Variants in TMEM108 observed in about 807,000 individuals in gnomAD.
TMEM108 encodes transmembrane protein 108.
Under a neutral mutation model 35.1 loss-of-function variants are expected in TMEM108, and 12 were observed. That is an observed-to-expected ratio of 0.34 (90% CI 0.22 to 0.55). The LOEUF (loss-of-function observed/expected upper bound fraction) is 0.55, where lower values mean the gene tolerates loss of function less well. TMEM108 is among the 20% of genes least tolerant of loss of function. The pLI, the probability that TMEM108 is intolerant of heterozygous loss-of-function variation, is 0.89. For synonymous variants in TMEM108, 287 were observed against 308.6 expected (o/e 0.93, Z 0.73); for missense variants, 680 against 753.3 (o/e 0.90, Z 1.14).
chr3:133,249,923 A>G (rs545379317), intron 3 of TMEM108, among the ~76,000 whole-genome samples: 16 of 152,290 alleles, frequency 1.1e-4, no homozygotes, highest in African/African-American at 3.4e-4. Flanking sequence ...AGGAAATTTC[A>G]GTTTATGAAA....
rs1390305254 is a variant in TMEM108 at position 133,380,531 on chromosome 3, G to A, written c.820G>A (p.Ala274Thr). 1.2e-6 allele frequency: 2 copies of A among 1,613,836 alleles called. No individual in the cohort carries two copies. ...ACCCACCACCACCTCCCTGGGGCCT[G>A]CAAAGGACAAGCCAGGCCTTCGCAG... is the stretch of plus-strand genomic sequence containing the variant. ...WAPTTTSLGP[A>T]KDKPGLRRAA... is the part of the protein sequence containing the mutation. The change falls in exon 4 of 6, where the codon GCA becomes ACA. Residue 274 changes from alanine to threonine, a missense_variant. By Grantham distance (58) the Ala-to-Thr change is moderately conservative. Around this residue, in one of 3 missense-constraint regions of TMEM108, gnomAD observed 526 missense variants for 532.1 expected, o/e 0.99. Coordinates refer to ENST00000321871, the MANE Select transcript of TMEM108 (RefSeq NM_023943.4). This position sits in a 1 kb window ranked among gnomAD's most constrained non-coding sequence, Gnocchi z 5.3.
intron 3 of TMEM108, among the ~76,000 whole-genome samples, chr3:133,270,785 C>G (rs189632019): frequency 7.3e-6 from 1 of 136,792 alleles, no homozygotes; most frequent in East Asian, 2.1e-4. Context: ...ACTGCCTGTT[C>G]GAAGAATGTA....
chr3:133,046,118 C>T (rs1281767547), intron 2 of TMEM108, 98 bp downstream of exon 2: 4 of 152,548 alleles, frequency 2.6e-5, no homozygotes, highest in Non-Finnish European at 5.9e-5. Context: ...AATATGATGC[C>T]CTGTCTGTGA....
At chr3:133,392,119 G>A (rs1049117809) in intron 5 of TMEM108, among the ~76,000 whole-genome samples, 3 of 150,366 alleles carry the variant, frequency 2.0e-5, no homozygotes, top group Non-Finnish European at 3.0e-5. Context: ...GCCCCATCTC[G>A]GTCCTGCCAC....
At chr3:133,315,540 A>G (rs2071188565) in intron 3 of TMEM108, among the ~76,000 whole-genome samples, 1 of 152,236 alleles carries the variant, frequency 6.6e-6, no homozygotes, top group Non-Finnish European at 1.5e-5. Flanking sequence ...CACAGATTCC[A>G]TAAAGAGCCA....
chr3:133,076,058 A>G (rs1057368164), intron 2 of TMEM108, among the ~76,000 whole-genome samples: 11 of 152,186 alleles, frequency 7.2e-5, no homozygotes, highest in African/African-American at 1.2e-4. Flanking sequence ...GTGCTGAGTA[A>G]TGTGGGGACC....
chr3:133,385,011 C>A (rs1261659173), intron 4 of TMEM108, among the ~76,000 whole-genome samples: 2 of 152,198 alleles, frequency 1.3e-5, no homozygotes, highest in Non-Finnish European at 2.9e-5. Flanking sequence ...TGGCCTCCTT[C>A]TAGACAGTGG....
intron 2 of TMEM108, among the ~76,000 whole-genome samples, chr3:133,107,844 T>C (rs2107721592): frequency 6.6e-6 from 1 of 152,304 alleles, no homozygotes; most frequent in East Asian, 1.9e-4. Flanking sequence ...TTAAGTAGAT[T>C]TCCTAAATCC....
At chr3:133,161,019 A>G (rs1246776046) in intron 2 of TMEM108, among the ~76,000 whole-genome samples, 1 of 152,200 alleles carries the variant, frequency 6.6e-6, no homozygotes, top group Non-Finnish European at 1.5e-5. Context: ...TCTTTTAAAA[A>G]TGAACATTCT....
Position 133,123,470 on chromosome 3 carries a change from C to T in TMEM108, c.-47+77450C>T, listed in dbSNP as rs115149368. Among the ~76,000 whole-genome samples, 273 of 152,258 alleles carry T rather than the reference C, an allele frequency of 1.8e-3. 4 individuals carry two copies. Among genetic ancestry groups the T allele is most frequent in the African/African-American group, 6.4e-3 (266 of 41,552 alleles). ...TTCCATCAACAGTGTAGAAGAATGT[C>T]GTGTTTCTCCACACCCTTGTCAACA... On this transcript the variant is annotated intron_variant, in intron 2 of 5. Coordinates refer to ENST00000321871, the MANE Select transcript of TMEM108 (RefSeq NM_023943.4).
At chr3:133,376,042 G>C (rs1201932878) in intron 3 of TMEM108, among the ~76,000 whole-genome samples, 1 of 152,184 alleles carries the variant, frequency 6.6e-6, no homozygotes, top group Non-Finnish European at 1.5e-5. Context: ...TACAGTTCTA[G>C]AGAGAACAAT....
intron 2 of TMEM108, among the ~76,000 whole-genome samples, chr3:133,096,375 G>T (rs1172423088): frequency 1.3e-5 from 2 of 152,154 alleles, no homozygotes; most frequent in African/African-American, 4.8e-5. Context: ...TGCCCAGGCT[G>T]GTCTCAAACT....
intron 2 of TMEM108, among the ~76,000 whole-genome samples, chr3:133,091,353 G>A (rs1943944838): frequency 6.6e-6 from 1 of 152,140 alleles, no homozygotes; most frequent in Non-Finnish European, 1.5e-5. Flanking sequence ...ATAATAGATT[G>A]TAACTAACCA....
At chr3:133,134,070 T>C (rs1944530355) in intron 2 of TMEM108, among the ~76,000 whole-genome samples, 1 of 151,972 alleles carries the variant, frequency 6.6e-6, no homozygotes, top group Admixed American at 6.6e-5. Flanking sequence ...CCTCAGAGTT[T>C]TCTTTTTTAA....
intron 2 of TMEM108, among the ~76,000 whole-genome samples, chr3:133,153,445 A>C (rs1944831184): frequency 6.6e-6 from 1 of 152,200 alleles, no homozygotes; most frequent in East Asian, 1.9e-4. Flanking sequence ...ATCCCTATGA[A>C]ATAAGTACTG....
At position 133,229,467 on chromosome 3, in the gene TMEM108, A is replaced by T. The variant is rs1946119902; in HGVS notation, c.40+116A>T. The stretch of plus-strand genomic sequence containing the variant: ...GGTTGGATCGGTGAAAGAGGACAGT[A>T]AAGTTTCACTCTGCTTCATCTAGAT... On this transcript the variant is annotated intron_variant, in intron 3 of 5. Transcript: ENST00000321871. The T allele has an allele frequency of 3.6e-6, 3 of 826,296 alleles. No homozygotes were observed. In the South Asian group the frequency reaches 5.5e-5, roughly 15 times the overall value. 51.2% of individuals were successfully genotyped at this position (826,296 alleles called of 1,614,324 possible).
At chr3:133,183,145 A>G (rs2107805839) in intron 2 of TMEM108, among the ~76,000 whole-genome samples, 1 of 152,320 alleles carries the variant, frequency 6.6e-6, no homozygotes, top group South Asian at 2.1e-4. Context: ...AAAAAATTGC[A>G]GGTTTTAGAG....
At chr3:133,229,713 T>C (rs1946123201) in intron 3 of TMEM108, among the ~76,000 whole-genome samples, 1 of 152,218 alleles carries the variant, frequency 6.6e-6, no homozygotes. Context: ...TTAGTATTCT[T>C]CCAGGATGAC....
chr3:133,204,528 T>A (rs1576380890), intron 2 of TMEM108, among the ~76,000 whole-genome samples: 1 of 152,150 alleles, frequency 6.6e-6, no homozygotes, highest in Non-Finnish European at 1.5e-5. Flanking sequence ...TTCAAAGAAT[T>A]TATTTATTTC....
Sources: gnomAD v4.1 joint callset for allele counts (sites outside exome capture counted in the v4.1 genomes callset) on GRCh38, gnomAD v4.1.1 for gene constraint, gnomAD v4.1.1 regional missense constraint, Gnocchi (gnomAD v3.1) non-coding constraint, MANE v1.5 for transcripts, NCBI Gene and HGNC (gene_info 2026-07-23, HGNC 2026-07-21) for gene names.